Variants in RASGEF1C observed in about 807,000 individuals in gnomAD.
RASGEF1C encodes the protein ras-GEF domain-containing family member 1C.
RASGEF1C carries 27 observed loss-of-function variants against 58.1 expected under a neutral mutation model. The observed-to-expected ratio is 0.46, with a 90% CI of 0.34 to 0.64. RASGEF1C has a LOEUF of 0.64. Among genes scored for constraint, RASGEF1C ranks in the 30% least tolerant of loss-of-function variants. RASGEF1C has a pLI of 0.01. For missense variants in RASGEF1C, 502 were observed against 605.1 expected, an observed-to-expected ratio of 0.83 and a Z score of 1.79; for synonymous variants, 243 against 246.3, an observed-to-expected ratio of 0.99 and a Z score of 0.13.
At chr5:180,107,518 A>G (rs1392407663) in intron 12 of RASGEF1C, among the ~76,000 whole-genome samples, 2 of 152,174 alleles carry the variant, frequency 1.3e-5, no homozygotes, top group East Asian at 3.8e-4. Flanking sequence ...TTCTGATGAG[A>G]AATTTGACAT....
At chr5:180,182,652 G>A (rs1314479758) in intron 1 of RASGEF1C, among the ~76,000 whole-genome samples, 2 of 152,230 alleles carry the variant, frequency 1.3e-5, no homozygotes, top group Non-Finnish European at 2.9e-5. Flanking sequence ...ACTGATTGGT[G>A]CATTTTTACA....
At chr5:180,175,987 C>A (rs538309250) in intron 1 of RASGEF1C, among the ~76,000 whole-genome samples, 37 of 152,144 alleles carry the variant, frequency 2.4e-4, no homozygotes, top group African/African-American at 8.2e-4. Flanking sequence ...GACTCCGTCT[C>A]GAAGAAAAAA....
At chr5:180,170,117 G>A (rs1234784996) in intron 1 of RASGEF1C, among the ~76,000 whole-genome samples, 1 of 152,210 alleles carries the variant, frequency 6.6e-6, no homozygotes, top group Admixed American at 6.5e-5. Context: ...GTTCCTGCTC[G>A]CGGCTGCACC....
chr5:180,173,793 A>T (rs532425612), intron 1 of RASGEF1C, among the ~76,000 whole-genome samples: 3 of 151,942 alleles, frequency 2.0e-5, no homozygotes, highest in South Asian at 2.1e-4. Context: ...GGCGCCTGTA[A>T]TCCCAGCTGC....
intron 10 of RASGEF1C, 132 bp downstream of exon 10, chr5:180,118,477 A>G (rs1329173210): frequency 3.2e-5 from 26 of 801,298 alleles, no homozygotes; most frequent in Non-Finnish European, 4.9e-5. Flanking sequence ...CCCACGCTGG[A>G]GGCACGCAAG....
At chr5:180,126,604 C>T (rs1766267099) in intron 6 of RASGEF1C, among the ~76,000 whole-genome samples, 2 of 152,146 alleles carry the variant, frequency 1.3e-5, no homozygotes, top group Admixed American at 6.5e-5. Context: ...TCTCTCAGTG[C>T]CTGGAGGGAT....
chr5:180,136,920 G>A (rs941720354), intron 3 of RASGEF1C: 16 of 200,110 alleles, frequency 8.0e-5, no homozygotes, highest in Admixed American at 1.6e-4. Flanking sequence ...CGCCAATGAG[G>A]AGACTCACTG....
At chr5:180,150,315 C>T (rs1255001915) in intron 1 of RASGEF1C, among the ~76,000 whole-genome samples, 1 of 152,176 alleles carries the variant, frequency 6.6e-6, no homozygotes. Flanking sequence ...CTTTGCACAT[C>T]TTTAGGACAG....
At chr5:180,163,606 C>T (rs1433257043) in intron 1 of RASGEF1C, among the ~76,000 whole-genome samples, 1 of 152,032 alleles carries the variant, frequency 6.6e-6, no homozygotes, top group Non-Finnish European at 1.5e-5. Context: ...GTCTTGCATC[C>T]CCAGGATAAA....
At chr5:180,208,774 G>A (rs1165221067) in intron 1 of RASGEF1C, among the ~76,000 whole-genome samples, 1 of 151,832 alleles carries the variant, frequency 6.6e-6, no homozygotes, top group Non-Finnish European at 1.5e-5. Context: ...GGGGCTGGCG[G>A]CGCGCGGCAG....
chr5:180,136,832 T>A, intron 3 of RASGEF1C: 1 of 381,360 alleles, frequency 2.6e-6, no homozygotes, highest in South Asian at 3.5e-5. Context: ...TGGGTCTAGG[T>A]CTGTGCCGAC....
Position 180,101,338 on chromosome 5 carries a change from C to T in RASGEF1C, c.*163G>A, listed in dbSNP as rs1383151714. 2.0e-5 allele frequency: 15 copies of T among 766,558 alleles called. No homozygotes were observed. The highest frequency in any genetic ancestry group is 1.6e-4 in the Admixed American group (6 of 38,062). The allele number at this position is 766,558 out of a possible 1,614,324, so 47.5% of individuals were successfully genotyped here. A position where few individuals can be genotyped will look rare whatever the true frequency, so the allele number is the denominator to read the frequency against. Reference sequence around the variant, plus strand: ...AGTCCCATAAAAGGTCTCCTGTGCCCGTATGGCCACTGTGGGGGGGGGGGG... The same window carrying T: ...AGTCCCATAAAAGGTCTCCTGTGCCTGTATGGCCACTGTGGGGGGGGGGGG... On this transcript the variant is annotated 3_prime_UTR_variant, in exon 14 of 14. Transcript: ENST00000361132.
intron 4 of RASGEF1C, among the ~76,000 whole-genome samples, chr5:180,131,274 C>T (rs1022767547): frequency 1.3e-5 from 2 of 152,050 alleles, no homozygotes; most frequent in African/African-American, 4.8e-5. Flanking sequence ...TCAGCTCTGG[C>T]CAGGCTTGGT....
chr5:180,134,937 G>GC (rs1168758876), intron 4 of RASGEF1C, among the ~76,000 whole-genome samples: 1 of 36,582 alleles, frequency 2.7e-5, no homozygotes, highest in African/African-American at 1.1e-4. Flanking sequence ...GCATCCACCT[G>GC]CCTATCCAAT....
At chr5:180,127,125 G>C (rs1766275771) in intron 6 of RASGEF1C, among the ~76,000 whole-genome samples, 1 of 151,418 alleles carries the variant, frequency 6.6e-6, no homozygotes, top group Non-Finnish European at 1.5e-5. Context: ...ATCGAAATCC[G>C]GGTGCGTGGG....
chr5:180,119,021 T>A (rs1237367437), intron 8 of RASGEF1C, among the ~76,000 whole-genome samples, 155 bp from the exon 9 acceptor site: 1 of 152,190 alleles, frequency 6.6e-6, no homozygotes, highest in Non-Finnish European at 1.5e-5. Flanking sequence ...GTGGACATCA[T>A]GGTCAGGTAG....
chr5:180,190,466 G>A lies in RASGEF1C; in HGVS notation c.-7+18562C>T, dbSNP rs1236903975. Among the ~76,000 whole-genome samples, 34 of 128,340 alleles carry A rather than the reference G, an allele frequency of 2.6e-4. 2 individuals are homozygous for A. The highest frequency in any genetic ancestry group is 5.3e-4 in the Non-Finnish European group (32 of 60,896). 84.2% of individuals were successfully genotyped at this position (128,340 alleles called of 152,430 possible). A position where few individuals can be genotyped will look rare whatever the true frequency, so the allele number is the denominator to read the frequency against. ...GATCGCGCCACTGCACTCCAGACTG[G>A]GTGACAGAGTGAGACTCCGTCTCAA... On this transcript the variant is annotated intron_variant, in intron 1 of 13. Coordinates refer to ENST00000361132, the MANE Select transcript of RASGEF1C (RefSeq NM_175062.4).
chr5:180,184,783 G>T (rs1458808127), intron 1 of RASGEF1C, among the ~76,000 whole-genome samples: 1 of 152,118 alleles, frequency 6.6e-6, no homozygotes, highest in Non-Finnish European at 1.5e-5. Flanking sequence ...ATAGATTTCA[G>T]ATCAAATAAT....
intron 1 of RASGEF1C, among the ~76,000 whole-genome samples, chr5:180,203,995 AAAAC>A (rs148792757): frequency 0.39 from 41,550 of 105,872 alleles, 5,821 homozygotes; most frequent in East Asian, 0.5. Context: ...TCTGTCTCAA[AAAAC>A]AAACAAACAA....
Sources: gnomAD v4.1 joint callset for allele counts (sites outside exome capture counted in the v4.1 genomes callset) on GRCh38, gnomAD v4.1.1 for gene constraint, MANE v1.5 for transcripts, NCBI Gene and HGNC (gene_info 2026-07-23, HGNC 2026-07-21) for gene names.